The following CTNNA3 variants were observed in gnomAD, a reference collection of about 807,000 sequenced individuals.
CTNNA3 encodes catenin alpha-3.
Under a neutral mutation model 95.7 loss-of-function variants are expected in CTNNA3, and 76 were observed. The observed-to-expected ratio is 0.79, with a 90% CI of 0.66 to 0.96. The LOEUF (loss-of-function observed/expected upper bound fraction) is 0.96. CTNNA3 is among the 40% of genes least tolerant of loss of function. CTNNA3 has a pLI of 0.00. For synonymous variants in CTNNA3, 431 were observed against 374.4 expected (o/e 1.15, Z -1.74); for missense variants, 1,191 against 1,089.8 (o/e 1.09, Z -1.31).
At chr10:67,134,299 C>T (rs1301518983) in intron 7 of CTNNA3, among the ~76,000 whole-genome samples, 3 of 152,002 alleles carry the variant, frequency 2.0e-5, no homozygotes, top group Admixed American at 6.6e-5. Flanking sequence ...TAGTTAATTC[C>T]ATAATCATTG....
intron 13 of CTNNA3, among the ~76,000 whole-genome samples, chr10:66,190,855 C>T (rs1418336358): frequency 3.3e-5 from 5 of 152,120 alleles, no homozygotes; most frequent in Non-Finnish European, 5.9e-5. Flanking sequence ...GCCTACCTTT[C>T]TGAAGGACCA....
intron 5 of CTNNA3, among the ~76,000 whole-genome samples, chr10:67,516,440 G>A (rs2133145242): frequency 6.6e-6 from 1 of 152,202 alleles, no homozygotes; most frequent in East Asian, 1.9e-4. Flanking sequence ...CATTTTCTAA[G>A]CATTTCTTCC....
intron 13 of CTNNA3, among the ~76,000 whole-genome samples, chr10:66,122,311 G>A (rs2082617586): frequency 6.6e-6 from 1 of 151,718 alleles, no homozygotes. Flanking sequence ...AATGTGAAGA[G>A]AAAAAAAATT....
chr10:67,589,709 T>C (rs186340024), intron 3 of CTNNA3, among the ~76,000 whole-genome samples: 1 of 152,112 alleles, frequency 6.6e-6, no homozygotes, highest in Non-Finnish European at 1.5e-5. Flanking sequence ...TATAATTCCA[T>C]GTGAAAAGTT....
intron 14 of CTNNA3, among the ~76,000 whole-genome samples, chr10:66,099,758 T>C (rs962375797): frequency 5.3e-5 from 8 of 152,194 alleles, no homozygotes; most frequent in Admixed American, 2.0e-4. Context: ...TGTGACATCC[T>C]TTGCTCTGTC....
chr10:67,354,281 A>G (rs893294063), intron 5 of CTNNA3, among the ~76,000 whole-genome samples: 2 of 152,010 alleles, frequency 1.3e-5, no homozygotes, highest in African/African-American at 4.8e-5. Flanking sequence ...AAATAACCCT[A>G]CAAGGTTGCT....
intron 4 of CTNNA3, among the ~76,000 whole-genome samples, chr10:67,538,858 A>C (rs1840571960): frequency 6.6e-6 from 1 of 152,216 alleles, no homozygotes; most frequent in Non-Finnish European, 1.5e-5. Flanking sequence ...GATTTGGTCA[A>C]ACTCTGAAAA....
intron 17 of CTNNA3, among the ~76,000 whole-genome samples, chr10:65,953,720 C>A (rs1016929996): frequency 1.3e-5 from 2 of 152,078 alleles, no homozygotes; most frequent in Non-Finnish European, 2.9e-5. Context: ...CGAACTCATC[C>A]TTTTTTATGG....
chr10:67,291,337 G>A (rs1839831546), intron 5 of CTNNA3, among the ~76,000 whole-genome samples: 1 of 152,026 alleles, frequency 6.6e-6, no homozygotes, highest in Non-Finnish European at 1.5e-5. Context: ...GGACACAGAA[G>A]AGATAGTTAA....
chr10:66,973,735 T>C (rs1849861725), intron 7 of CTNNA3, among the ~76,000 whole-genome samples: 1 of 152,138 alleles, frequency 6.6e-6, no homozygotes, highest in Non-Finnish European at 1.5e-5. Flanking sequence ...GTGATTCTCC[T>C]GCTTCAGCCT....
chr10:66,210,749 A>C (rs1382466109), intron 13 of CTNNA3, among the ~76,000 whole-genome samples: 1 of 152,240 alleles, frequency 6.6e-6, no homozygotes, highest in Non-Finnish European at 1.5e-5. Flanking sequence ...AAGCAAATGG[A>C]GTAAACAACA....
At chr10:66,726,211 C>T (rs1434877168) in intron 9 of CTNNA3, among the ~76,000 whole-genome samples, 2 of 151,990 alleles carry the variant, frequency 1.3e-5, no homozygotes, top group African/African-American at 4.8e-5. Context: ...GATTCTTTTT[C>T]ATTGCAATGA....
At chr10:66,176,200 G>C (rs1019825928) in intron 13 of CTNNA3, among the ~76,000 whole-genome samples, 1 of 152,104 alleles carries the variant, frequency 6.6e-6, no homozygotes, top group African/African-American at 2.4e-5. Context: ...ATTTGTGAAA[G>C]AGTATAATTA....
intron 5 of CTNNA3, among the ~76,000 whole-genome samples, chr10:67,444,256 A>C (rs1422778923): frequency 6.6e-6 from 1 of 152,178 alleles, no homozygotes; most frequent in Non-Finnish European, 1.5e-5. Context: ...TGGAAACTAT[A>C]CAAACATATG....
chr10:67,321,092 G>A (rs1841302697), intron 5 of CTNNA3, among the ~76,000 whole-genome samples: 1 of 152,022 alleles, frequency 6.6e-6, no homozygotes, highest in Admixed American at 6.6e-5. Context: ...GTTCTTTGTG[G>A]CCCAACACTA....
intron 9 of CTNNA3, among the ~76,000 whole-genome samples, chr10:66,764,946 A>C (rs1839780002): frequency 6.6e-6 from 1 of 152,224 alleles, no homozygotes; most frequent in Admixed American, 6.5e-5. Flanking sequence ...CCTGGAAATT[A>C]GCTCCAACTC....
At chr10:67,557,896 A>T (rs1164531781) in intron 3 of CTNNA3, among the ~76,000 whole-genome samples, 2 of 152,176 alleles carry the variant, frequency 1.3e-5, no homozygotes, top group African/African-American at 4.8e-5. Flanking sequence ...AAACTCTGTC[A>T]GGGCTGCCCT....
chr10:67,230,895 G>C (rs1589056523), intron 5 of CTNNA3, among the ~76,000 whole-genome samples: 3 of 152,294 alleles, frequency 2.0e-5, no homozygotes, highest in South Asian at 2.1e-4. Context: ...CCCTTTCCTA[G>C]TCAAAGAGAG....
chr10:67,444,973 A>G (rs1160675042), intron 5 of CTNNA3, among the ~76,000 whole-genome samples: 1 of 152,158 alleles, frequency 6.6e-6, no homozygotes, highest in African/African-American at 2.4e-5. Context: ...ACATTTAAAG[A>G]AGAACTAATT....
Sources: gnomAD v4.1 joint callset for allele counts (sites outside exome capture counted in the v4.1 genomes callset) on GRCh38, gnomAD v4.1.1 for gene constraint, MANE v1.5 for transcripts, NCBI Gene and HGNC (gene_info 2026-07-23, HGNC 2026-07-21) for gene names.